NTNG1: variants seen among roughly 807,000 people sequenced by gnomAD.
NTNG1 encodes netrin G1.
Under a neutral mutation model 54.0 loss-of-function variants are expected in NTNG1, and 16 were observed. The observed-to-expected ratio is 0.30, with a 90% confidence interval of 0.20 to 0.45. The LOEUF is 0.45. Among genes scored for constraint, NTNG1 ranks in the 20% least tolerant of loss-of-function variants. NTNG1 has a pLI of 1.00. For synonymous variants in NTNG1, 255 were observed against 263.1 expected (o/e 0.97, Z 0.30); for missense variants, 530 against 678.7 (o/e 0.78, Z 2.43).
intron 2 of NTNG1, among the ~76,000 whole-genome samples, chr1:107,303,789 T>C (rs1397629847): frequency 6.6e-6 from 1 of 152,050 alleles, no homozygotes; most frequent in Non-Finnish European, 1.5e-5. Context: ...CAGGTTCAAG[T>C]GATTCCCCTG....
At chr1:107,448,178 C>T (rs1027690871) in intron 7 of NTNG1, among the ~76,000 whole-genome samples, 1 of 152,080 alleles carries the variant, frequency 6.6e-6, no homozygotes, top group African/African-American at 2.4e-5. Flanking sequence ...AATTTGATAT[C>T]TGAGCAGGAA....
chr1:107,253,942 A>G lies in NTNG1; in HGVS notation c.247-70340A>G, dbSNP rs74873466. On this transcript the variant is annotated intron_variant, in intron 2 of 7. Transcript: ENST00000370068. ...AAACACATCACTGAAAACCGATTAGATTAATTACTATTCGGGACAGTGCTT... is the reference window on the plus strand; with the variant it reads ...AAACACATCACTGAAAACCGATTAGGTTAATTACTATTCGGGACAGTGCTT... Among the ~76,000 whole-genome samples, 248 of 152,384 alleles carry G rather than the reference A, an allele frequency of 1.6e-3. 1 individual carries two copies. Among genetic ancestry groups the G allele is most frequent in the Middle Eastern group, 0.01 (3 of 294 alleles).
In NTNG1 at chr1:107,207,623, G is replaced by A. The variant is rs1008295640; in HGVS notation, c.246+58784G>A. 7.9e-5 allele frequency among the ~76,000 whole-genome samples: 12 copies of A among 152,200 alleles called. 1 individual carries two copies. The highest frequency in any genetic ancestry group is 3.2e-3 in the Middle Eastern group (1 of 316). ...AGTACCTAAGGTATAAAGGGTGGCT[G>A]TTGTTTTCTTGTTTTCATCATATTC... On this transcript the variant is annotated intron_variant, in intron 2 of 7. Coordinates refer to ENST00000370068, the MANE Select transcript of NTNG1 (RefSeq NM_001113226.3).
intron 4 of NTNG1, among the ~76,000 whole-genome samples, chr1:107,396,155 G>A (rs1405770565): frequency 1.3e-5 from 2 of 152,170 alleles, no homozygotes; most frequent in East Asian, 1.9e-4. Context: ...TAGAGAAAGG[G>A]GGAGATTAGA....
intron 3 of NTNG1, among the ~76,000 whole-genome samples, chr1:107,367,118 A>C (rs190141941): frequency 3.4e-4 from 52 of 151,878 alleles, no homozygotes; most frequent in African/African-American, 1.2e-3. Context: ...CTATGGGTGC[A>C]TAATAAATGT....
chr1:107,196,634 T>G (rs909752562), intron 2 of NTNG1, among the ~76,000 whole-genome samples: 2 of 151,842 alleles, frequency 1.3e-5, no homozygotes, highest in African/African-American at 4.8e-5. Flanking sequence ...GTACAGTAAA[T>G]GATGACAACA....
intron 7 of NTNG1, among the ~76,000 whole-genome samples, chr1:107,477,722 TG>T (rs1277966361): frequency 4.4e-5 from 1 of 22,654 alleles, no homozygotes; most frequent in Non-Finnish European, 1.5e-4. Flanking sequence ...ATACGTTTTT[TG>T]TAGATTTTTT....
At chr1:107,306,069 A>G (rs575082600) in intron 2 of NTNG1, among the ~76,000 whole-genome samples, 2 of 152,214 alleles carry the variant, frequency 1.3e-5, no homozygotes, top group Non-Finnish European at 2.9e-5. Flanking sequence ...AAGCACCACT[A>G]TGATATTTCA....
chr1:107,297,298 A>T lies in NTNG1; in HGVS notation c.247-26984A>T, dbSNP rs12034434. Among the ~76,000 whole-genome samples the T allele has an allele frequency of 3.9e-3, 577 of 148,542 alleles. 25 individuals are homozygous for T. In the East Asian group the frequency reaches 0.093, roughly 24 times the overall value. ...TAAGGATGCATGTTGTAAATTGAAG[A>T]TTGAAGAACCTGATGTATTCTAGCA... is the stretch of plus-strand genomic sequence containing the variant. On this transcript the variant is annotated intron_variant, in intron 2 of 7. Transcript: ENST00000370068.
intron 2 of NTNG1, among the ~76,000 whole-genome samples, chr1:107,265,942 A>C (rs1323080618): frequency 6.6e-6 from 1 of 152,204 alleles, no homozygotes; most frequent in Non-Finnish European, 1.5e-5. Flanking sequence ...ATAATGGACA[A>C]ATTGAAAATG....
intron 7 of NTNG1, among the ~76,000 whole-genome samples, chr1:107,458,248 A>G (rs1038105227): frequency 1.5e-4 from 23 of 152,264 alleles, no homozygotes; most frequent in African/African-American, 5.3e-4. Context: ...AAAATTAGGA[A>G]CTGCCAATCC....
chr1:107,407,837 G>A, intron 5 of NTNG1, 129 bp downstream of exon 5: 1 of 834,032 alleles, frequency 1.2e-6, no homozygotes, highest in East Asian at 2.4e-5. Context: ...TTTGTGAATT[G>A]CATTTTTGTG....
intron 2 of NTNG1, among the ~76,000 whole-genome samples, chr1:107,149,217 A>T (rs1654371188): frequency 6.6e-6 from 1 of 152,188 alleles, no homozygotes; most frequent in South Asian, 2.1e-4. Flanking sequence ...AACCAACTTT[A>T]AAAACACAAA....
At chr1:107,190,122 G>T (rs918213173) in intron 2 of NTNG1, among the ~76,000 whole-genome samples, 4 of 152,120 alleles carry the variant, frequency 2.6e-5, no homozygotes, top group African/African-American at 9.7e-5. Flanking sequence ...AAATCCTAGA[G>T]ACAGAAAGTA....
chr1:107,418,344 A>C (rs1296032551), intron 5 of NTNG1, among the ~76,000 whole-genome samples: 1 of 152,058 alleles, frequency 6.6e-6, no homozygotes, highest in African/African-American at 2.4e-5. Flanking sequence ...TTATTTTAAA[A>C]GTAAATGTGT....
At chr1:107,294,763 C>A (rs566797557) in intron 2 of NTNG1, among the ~76,000 whole-genome samples, 12 of 152,184 alleles carry the variant, frequency 7.9e-5, no homozygotes, top group African/African-American at 2.6e-4. Flanking sequence ...CTTTAGTGTT[C>A]ATCTGGAATC....
chr1:107,463,160 T>C (rs149047557), intron 7 of NTNG1, among the ~76,000 whole-genome samples: 49 of 152,362 alleles, frequency 3.2e-4, no homozygotes, highest in Admixed American at 2.4e-3. Context: ...ATTCCTAGTC[T>C]AGTTAGTATG....
intron 3 of NTNG1, among the ~76,000 whole-genome samples, chr1:107,333,408 G>A (rs1488149336): frequency 6.6e-6 from 1 of 151,894 alleles, no homozygotes; most frequent in Non-Finnish European, 1.5e-5. Flanking sequence ...TTTTGGAAGT[G>A]TTCACAATAC....
rs116646125 is a variant in NTNG1 at position 107,198,323 on chromosome 1, A to G, written c.246+49484A>G. 6.1e-3 allele frequency among the ~76,000 whole-genome samples: 933 copies of G among 152,072 alleles called. 3 individuals are homozygous for G. Among genetic ancestry groups the G allele is most frequent in the African/African-American group, 0.021 (885 of 41,522 alleles). ...TTAAGTAGGGAATGGATCAAACAAG[A>G]TTACTATTGAGATAATTACTGAAGG... On this transcript the variant is annotated intron_variant, in intron 2 of 7. Coordinates refer to ENST00000370068, the MANE Select transcript of NTNG1 (RefSeq NM_001113226.3).
Sources: allele counts gnomAD v4.1 joint callset (sites outside exome capture counted in the v4.1 genomes callset), GRCh38; gene constraint gnomAD v4.1.1; transcripts MANE v1.5; gene names NCBI Gene and HGNC (gene_info 2026-07-23, HGNC 2026-07-21).